The following CORIN variants were observed in gnomAD, a reference collection of about 807,000 sequenced individuals.
CORIN encodes corin, serine peptidase.
CORIN carries 117 observed loss-of-function variants against 125.3 expected under a neutral mutation model. The ratio of observed to expected loss-of-function variants is 0.93; its 90% CI spans 0.80 to 1.09. The LOEUF (loss-of-function observed/expected upper bound fraction) is 1.09, where lower values mean the gene tolerates loss of function less well. Among genes scored for constraint, CORIN ranks in the 50% least tolerant of loss-of-function variants. The probability of loss-of-function intolerance (pLI) is 0.00; values close to 1 mark genes in which losing one functional copy is unlikely to be tolerated. For synonymous variants in CORIN, 450 were observed against 466.4 expected (o/e 0.96, Z 0.45); for missense variants, 1,253 against 1,306.7 (o/e 0.96, Z 0.63).
intron 3 of CORIN, among the ~76,000 whole-genome samples, chr4:47,782,317 G>A (rs906069514): frequency 8.7e-5 from 13 of 149,050 alleles, no homozygotes; most frequent in African/African-American, 3.0e-4. Context: ...CCCAGGAGGC[G>A]AAGGTTGCAG....
At chr4:47,618,773 C>CACT in intron 19 of CORIN, among the ~76,000 whole-genome samples, 1 of 151,388 alleles carries the variant, frequency 6.6e-6, no homozygotes, top group East Asian at 1.9e-4. Context: ...GAGCCAAGAT[C>CACT]GCGCGGCTGC....
intron 3 of CORIN, among the ~76,000 whole-genome samples, chr4:47,767,500 G>C (rs989975275): frequency 2.6e-5 from 4 of 152,184 alleles, no homozygotes; most frequent in African/African-American, 9.6e-5. Flanking sequence ...AATAGAAATA[G>C]TTCAAGACAG....
intron 19 of CORIN, among the ~76,000 whole-genome samples, chr4:47,618,319 A>C (rs1466783866): frequency 7.2e-5 from 9 of 125,656 alleles, no homozygotes; most frequent in Non-Finnish European, 1.3e-4. Flanking sequence ...GGGCAACAGG[A>C]GTGAAACTCC....
At chr4:47,698,406 G>A (rs965810528) in intron 5 of CORIN, among the ~76,000 whole-genome samples, 4 of 151,762 alleles carry the variant, frequency 2.6e-5, no homozygotes, top group African/African-American at 4.8e-5. Context: ...AAGTTCCTCC[G>A]GCAAGAGTCT....
chr4:47,701,778 A>T (rs1726303779), intron 5 of CORIN, among the ~76,000 whole-genome samples: 1 of 150,754 alleles, frequency 6.6e-6, no homozygotes. Context: ...AAATCTAAAG[A>T]ATCTTAATTA....
chr4:47,810,762 T>C (rs1355722968), intron 1 of CORIN, among the ~76,000 whole-genome samples: 4 of 152,114 alleles, frequency 2.6e-5, no homozygotes, highest in African/African-American at 9.7e-5. Context: ...TAACTTCAAT[T>C]AGCAGCCCTC....
intron 19 of CORIN, among the ~76,000 whole-genome samples, chr4:47,603,977 G>A (rs1195800243): frequency 6.6e-6 from 1 of 152,172 alleles, no homozygotes; most frequent in Admixed American, 6.5e-5. Context: ...AAGCTATGAA[G>A]AAGAGAGAGG....
chr4:47,779,981 T>A (rs1730467671), intron 3 of CORIN, among the ~76,000 whole-genome samples: 1 of 152,178 alleles, frequency 6.6e-6, no homozygotes, highest in Admixed American at 6.5e-5. Flanking sequence ...GAAAGAAGAC[T>A]ATGTAGTTCA....
intron 4 of CORIN, among the ~76,000 whole-genome samples, chr4:47,760,869 G>A (rs780673087): frequency 3.9e-4 from 60 of 152,280 alleles, no homozygotes; most frequent in African/African-American, 1.4e-3. Flanking sequence ...ATGAGCACTT[G>A]TTACGTCATC....
At chr4:47,633,907 T>C (rs757466754) in intron 16 of CORIN, among the ~76,000 whole-genome samples, 5 of 152,182 alleles carry the variant, frequency 3.3e-5, no homozygotes, top group Non-Finnish European at 5.9e-5. Flanking sequence ...AAATGCTTTC[T>C]AAAAATACGT....
intron 19 of CORIN, among the ~76,000 whole-genome samples, chr4:47,617,769 GCAGAAGGACA>G (rs1268966613): frequency 6.6e-6 from 1 of 152,170 alleles, no homozygotes; most frequent in Non-Finnish European, 1.5e-5. Context: ...AAAGAAGTAG[GCAGAAGGACA>G]CAGCATGAGC....
intron 10 of CORIN, among the ~76,000 whole-genome samples, chr4:47,665,846 A>C (rs1465208274): frequency 6.6e-6 from 1 of 152,204 alleles, no homozygotes; most frequent in African/African-American, 2.4e-5. Context: ...TTTATACTTC[A>C]ACCCTAGGCT....
chr4:47,604,181 C>T (rs1295699108), intron 19 of CORIN, among the ~76,000 whole-genome samples: 3 of 152,322 alleles, frequency 2.0e-5, no homozygotes, highest in Admixed American at 6.5e-5. Flanking sequence ...ATATTTTAGT[C>T]GATTCCCACC....
chr4:47,769,923 T>C (rs182222925), intron 3 of CORIN, among the ~76,000 whole-genome samples: 7 of 152,120 alleles, frequency 4.6e-5, no homozygotes, highest in African/African-American at 1.7e-4. Context: ...GAAGAATACA[T>C]AGGGGGAAAG....
At chr4:47,821,785 AT>A (rs1267944432) in intron 1 of CORIN, among the ~76,000 whole-genome samples, 2 of 152,200 alleles carry the variant, frequency 1.3e-5, no homozygotes, top group African/African-American at 2.4e-5. Context: ...TAAACTATGT[AT>A]ATTATAGATG....
At chr4:47,610,004 T>C (rs994456515) in intron 19 of CORIN, among the ~76,000 whole-genome samples, 1 of 152,230 alleles carries the variant, frequency 6.6e-6, no homozygotes, top group Non-Finnish European at 1.5e-5. Context: ...CAGTCTATCA[T>C]CGATGGGCAT....
chr4:47,621,850 C>CTTT (rs869215076), intron 19 of CORIN, among the ~76,000 whole-genome samples: 4 of 138,734 alleles, frequency 2.9e-5, no homozygotes, highest in Non-Finnish European at 4.7e-5. Context: ...AGATAAAAAT[C>CTTT]TTTTTTTTTT....
intron 18 of CORIN, 29 bp from the exon 19 acceptor site, chr4:47,623,774 G>A: frequency 1.2e-6 from 2 of 1,608,474 alleles, no homozygotes; most frequent in Non-Finnish European, 1.7e-6. Context: ...CACAGTTTGT[G>A]AGTTGATGCC....
chr4:47,737,062 G>A (rs1728166923), intron 5 of CORIN, among the ~76,000 whole-genome samples: 1 of 152,198 alleles, frequency 6.6e-6, no homozygotes, highest in Admixed American at 6.5e-5. Flanking sequence ...GCTCTGAGCA[G>A]AAAATAAAAT....
Sources: allele counts gnomAD v4.1 joint callset (sites outside exome capture counted in the v4.1 genomes callset), GRCh38; gene constraint gnomAD v4.1.1; transcripts MANE v1.5; gene names NCBI Gene and HGNC (gene_info 2026-07-23, HGNC 2026-07-21).